Variants in PLA2G7 observed in about 807,000 individuals in gnomAD.
PLA2G7 encodes the protein platelet-activating factor acetylhydrolase.
Under a neutral mutation model 49.6 loss-of-function variants are expected in PLA2G7, and 63 were observed. That is an observed-to-expected ratio of 1.27 (90% CI 1.04 to 1.57). The LOEUF (loss-of-function observed/expected upper bound fraction) is 1.57, where lower values mean the gene tolerates loss of function less well. PLA2G7 is among the 40% of genes most tolerant of loss of function. The pLI, the probability that PLA2G7 is intolerant of heterozygous loss-of-function variation, is 0.00. For synonymous variants in PLA2G7, 193 were observed against 169.9 expected (o/e 1.14, Z -1.06); for missense variants, 596 against 521.2 (o/e 1.14, Z -1.40).
At chr6:46,731,779 G>A (rs1342607446) in intron 1 of PLA2G7, among the ~76,000 whole-genome samples, 1 of 152,116 alleles carries the variant, frequency 6.6e-6, no homozygotes, top group Non-Finnish European at 1.5e-5. Context: ...ATATTCATTT[G>A]TTTATTAGTT....
At chr6:46,717,710 TTTTTC>T (rs1765263772) in intron 2 of PLA2G7, among the ~76,000 whole-genome samples, 17 of 34,440 alleles carry the variant, frequency 4.9e-4, no homozygotes, top group African/African-American at 2.0e-3. Context: ...TTCTTTTTTC[TTTTTC>T]TTTTTTTTTT....
rs1174239442 is a variant in PLA2G7 at position 46,730,129 on chromosome 6, G to A, written c.-35+5051C>T. On this transcript the variant is annotated intron_variant, in intron 1 of 11. Coordinates refer to ENST00000274793, the MANE Select transcript of PLA2G7 (RefSeq NM_005084.4). ...TTAACAAATAAAGGTTCAGGACAAG[G>A]GACAGTAACCCAAAAATAACCAGAA... Among the ~76,000 whole-genome samples the A allele has an allele frequency of 2.0e-5, 3 of 152,166 alleles. No homozygotes were observed. In the East Asian group the frequency reaches 5.8e-4, roughly 29 times the overall value.
chr6:46,704,862 G>A (rs1310477769), intron 11 of PLA2G7, among the ~76,000 whole-genome samples, 166 bp from the exon 12 acceptor site: 1 of 152,162 alleles, frequency 6.6e-6, no homozygotes, highest in South Asian at 2.1e-4. Context: ...GCAGCTGAAT[G>A]CAAACGGGAT....
chr6:46,708,134 C>T lies in PLA2G7; in HGVS notation c.897G>A (p.Met299Ile), dbSNP rs767829541. 5 of 1,612,548 alleles carry T rather than the reference C, an allele frequency of 3.1e-6. No individual in the cohort carries two copies. In the Admixed American group the frequency reaches 6.7e-5, roughly 22 times the overall value. Residue 299 changes from methionine to isoleucine, a missense_variant, in exon 10 of 12, where the codon ATG becomes ATA. By Grantham distance (10) the Met-to-Ile change is conservative. Coordinates refer to ENST00000274793, the MANE Select transcript of PLA2G7 (RefSeq NM_005084.4). ...FRCGIALDAW[M>I]FPLGDEVYSR... ...AATATACTTCATCACCCAGTGGAAA[C>T]ATCCATGCATCCAGGGCAATACCAC...
At chr6:46,720,933 A>G (rs1379086073) in intron 2 of PLA2G7, among the ~76,000 whole-genome samples, 1 of 152,232 alleles carries the variant, frequency 6.6e-6, no homozygotes, top group Non-Finnish European at 1.5e-5. Flanking sequence ...TAACCTGCAT[A>G]GCCATATTTT....
chr6:46,709,378 G>T lies in PLA2G7; in HGVS notation c.818C>A (p.Ser273Tyr). ...CTGAATAACCGTTGCTCCACCAAAAGAATGTCCAATTACTGCTATTTTTTC... is the reference window on the plus strand; with the variant it reads ...CTGAATAACCGTTGCTCCACCAAAATAATGTCCAATTACTGCTATTTTTTC... ...DREKIAVIGH[S>Y]FGGATVIQTL... Residue 273 changes from serine (S) to tyrosine (Y), a missense_variant, in exon 9 of 12, where the codon TCT becomes TAT. Ser to Tyr is a moderately radical substitution (Grantham distance 144, BLOSUM62 -2). Transcript: ENST00000274793. 6.2e-7 allele frequency: 1 copy of T among 1,607,724 alleles called. No individual in the cohort carries two copies. The highest frequency in any genetic ancestry group is 2.2e-5 in the East Asian group (1 of 44,674).
chr6:46,705,161 T>A lies in PLA2G7; in HGVS notation c.1181A>T (p.Lys394Met), dbSNP rs1203831089. Residue 394 changes from lysine (K) to methionine (M), a missense_variant, in exon 11 of 12, where the codon AAG (lysine) becomes ATG (methionine). Transcript: ENST00000274793. ...AAAAAATAGTTTCTTACCTAAATGC[T>A]TTTGTAAGAATGCTAATGAAGCTTT... ...SNKASLAFLQ[K>M]HLGLHKDFDQ... 3.1e-6 allele frequency: 5 copies of A among 1,607,960 alleles called. No homozygotes were observed. Among genetic ancestry groups the A allele is most frequent in the Non-Finnish European group, 4.3e-6 (5 of 1,174,894 alleles).
In PLA2G7 at chr6:46,710,601, GA is replaced by G. The variant is rs1562069669; in HGVS notation, c.720del (p.His241MetfsTer5). 1 of 1,613,558 alleles carries G rather than the reference GA, an allele frequency of 6.2e-7. No individual in the cohort carries two copies. Among genetic ancestry groups the G allele is most frequent in the South Asian group, 1.1e-5 (1 of 91,064 alleles). The stretch of plus-strand genomic sequence containing the variant: ...AATGCATTCTTCACTGGCTTTCCAT[GA>G]TCAATGTCAAGAATCAGACTGAGAG... ...SQALSLILDI[D>X]HGKPVKNALD... is the part of the protein sequence containing the mutation. On this transcript the variant is annotated frameshift_variant, in exon 8 of 12. Coordinates refer to ENST00000274793, the MANE Select transcript of PLA2G7 (RefSeq NM_005084.4). LOFTEE classifies it high-confidence loss of function.
Position 46,704,490 on chromosome 6 carries a change from A to T in PLA2G7, c.*70T>A, listed in dbSNP as rs1036625813. 4.5e-4 allele frequency: 381 copies of T among 838,400 alleles called. No individual in the cohort carries two copies. In the African/African-American group the frequency reaches 6.0e-3, roughly 13 times the overall value. The allele number at this position is 838,400 out of a possible 1,614,324, so 51.9% of individuals were successfully genotyped here. ...CTCTCTCTCTCTCTCACACACACAC[A>T]CACACACACACACACACACATAATT... On this transcript the variant is annotated 3_prime_UTR_variant, in exon 12 of 12. Coordinates refer to ENST00000274793, the MANE Select transcript of PLA2G7 (RefSeq NM_005084.4).
chr6:46,725,927 C>G (rs557478452), intron 1 of PLA2G7, among the ~76,000 whole-genome samples: 2 of 152,130 alleles, frequency 1.3e-5, no homozygotes, highest in Non-Finnish European at 2.9e-5. Context: ...TCACAAGGAG[C>G]CTTCAGAATG....
At chr6:46,704,832 G>C in intron 11 of PLA2G7, 136 bp from the exon 12 acceptor site, 1 of 656,934 alleles carries the variant, frequency 1.5e-6, no homozygotes, top group Non-Finnish European at 2.6e-6. Context: ...CTCTGTATCA[G>C]CTGCCTCATG....
intron 9 of PLA2G7, among the ~76,000 whole-genome samples, chr6:46,708,441 AT>A (rs1475292308): frequency 1.1e-4 from 17 of 152,338 alleles, no homozygotes; most frequent in African/African-American, 4.1e-4. Flanking sequence ...TTCAAAATAA[AT>A]TTTAGAATAC....
intron 1 of PLA2G7, among the ~76,000 whole-genome samples, chr6:46,729,534 C>G (rs1293288293): frequency 6.6e-6 from 1 of 152,114 alleles, no homozygotes; most frequent in Non-Finnish European, 1.5e-5. Flanking sequence ...TCATTTAGTC[C>G]TCAGAGTTCT....
intron 1 of PLA2G7, among the ~76,000 whole-genome samples, chr6:46,725,910 T>C (rs1282771404): frequency 1.3e-5 from 2 of 152,236 alleles, no homozygotes; most frequent in Non-Finnish European, 2.9e-5. Context: ...ATTTATTTAA[T>C]GTGTATTCAC....
At chr6:46,722,725 C>A (rs1317571868) in intron 2 of PLA2G7, 58 bp downstream of exon 2, 2 of 1,012,462 alleles carry the variant, frequency 2.0e-6, no homozygotes, top group Non-Finnish European at 3.2e-6. Flanking sequence ...TCTTGGGGCC[C>A]ACTTGAAGTA....
chr6:46,714,492 A>G lies in PLA2G7; in HGVS notation c.438T>C (p.Leu146=). 6.2e-7 allele frequency: 1 copy of G among 1,612,750 alleles called. No homozygotes were observed. The change falls in exon 5 of 12, where the codon CTT becomes CTC. Residue 146 remains leucine, a synonymous_variant. Transcript: ENST00000274793. ...SPLRPGEKYP[L]VVFSHGLGAF... Reference sequence around the variant, plus strand: ...CCCCAAGACCATGAGAAAAAACAACAAGTGGATATTTTTCACCAGGCCTCA... The same window carrying G: ...CCCCAAGACCATGAGAAAAAACAACGAGTGGATATTTTTCACCAGGCCTCA...
At chr6:46,716,236 G>T (rs971328945) in intron 4 of PLA2G7, 148 bp downstream of exon 4, 3 of 774,000 alleles carry the variant, frequency 3.9e-6, no homozygotes, top group Non-Finnish European at 6.4e-6. Flanking sequence ...TAGTTGCCTG[G>T]GCTTTAAAGA....
At position 46,705,275 on chromosome 6, in the gene PLA2G7, T is replaced by C. The variant is rs202073418; in HGVS notation, c.1067A>G (p.Asp356Gly). 2.6e-5 allele frequency: 42 copies of C among 1,612,352 alleles called. No homozygotes were observed. The South Asian group carries it at 4.2e-4, about 16-fold the overall frequency. The change falls in exon 11 of 12, where the codon GAC (aspartate) becomes GGC (glycine). Residue 356 changes from aspartate to glycine, a missense_variant. Asp to Gly is a moderately conservative substitution (Grantham distance 94, BLOSUM62 -1). Transcript: ENST00000274793. Reference sequence around the variant, plus strand: ...TATTTTGCCAGTTGCAAAAGTGAAGTCAGCAAAATTCTGGTGGACTGAACC... The same window carrying C: ...TATTTTGCCAGTTGCAAAAGTGAAGCCAGCAAAATTCTGGTGGACTGAACC... ...IRGSVHQNFA[D>G]FTFATGKIIG...
intron 5 of PLA2G7, among the ~76,000 whole-genome samples, chr6:46,712,749 G>T (rs914296948): frequency 6.6e-6 from 1 of 152,174 alleles, no homozygotes; most frequent in African/African-American, 2.4e-5. Flanking sequence ...CCAGCTATAT[G>T]ATTTTAGGTA....
Sources: gnomAD v4.1 joint callset for allele counts (sites outside exome capture counted in the v4.1 genomes callset) on GRCh38, gnomAD v4.1.1 for gene constraint, MANE v1.5 for transcripts, NCBI Gene and HGNC (gene_info 2026-07-23, HGNC 2026-07-21) for gene names.